SMCO4: variants seen among roughly 807,000 people sequenced by gnomAD.
SMCO4 encodes single-pass membrane and coiled-coil domain-containing protein 4.
Under a neutral mutation model 3.6 loss-of-function variants are expected in SMCO4, and 4 were observed. The observed-to-expected ratio is 1.11, with a 90% confidence interval of 0.54 to 2.53. SMCO4 has a LOEUF of 2.53. Ranked by LOEUF, SMCO4 falls within the 30% of genes most tolerant of loss-of-function variation. SMCO4 has a pLI of 0.02. For missense variants in SMCO4, 70 were observed against 80.8 expected (o/e 0.87, Z 0.51); for synonymous variants, 36 against 35.3 (o/e 1.02, Z -0.07).
At chr11:93,515,489 A>C (rs1199859373) in intron 1 of SMCO4, among the ~76,000 whole-genome samples, 3 of 152,226 alleles carry the variant, frequency 2.0e-5, no homozygotes, top group African/African-American at 7.2e-5. Flanking sequence ...GAGTTAACGA[A>C]GGTCATGTCT....
intron 1 of SMCO4, among the ~76,000 whole-genome samples, chr11:93,515,076 A>G (rs2605622): frequency 0.78 from 119,417 of 152,174 alleles, 47,262 homozygotes; most frequent in South Asian, 0.85. Flanking sequence ...CCTGGAGGCA[A>G]TACTCTCTGC....
chr11:93,548,968 G>C, the SMCO4 span, among the ~76,000 whole-genome samples: 6 of 152,220 alleles, frequency 3.9e-5, no homozygotes, highest in Admixed American at 2.6e-4. Context: ...CTATGCGTAT[G>C]AAGAGGTTAT....
At chr11:93,504,098 C>T (rs1261749357) in intron 1 of SMCO4, among the ~76,000 whole-genome samples, 1 of 152,124 alleles carries the variant, frequency 6.6e-6, no homozygotes, top group East Asian at 1.9e-4. Context: ...CAAATTTCTA[C>T]AATTAGTCTG....
chr11:93,500,945 C>G (rs1591311547), intron 1 of SMCO4, among the ~76,000 whole-genome samples: 1 of 152,190 alleles, frequency 6.6e-6, no homozygotes, highest in African/African-American at 2.4e-5. Context: ...GGAGCATCAG[C>G]TTTCACTGAA....
At chr11:93,524,466 A>G (rs1949087299) in intron 1 of SMCO4, among the ~76,000 whole-genome samples, 1 of 152,168 alleles carries the variant, frequency 6.6e-6, no homozygotes, top group Admixed American at 6.5e-5. Flanking sequence ...TATGCTACCT[A>G]AGAGTGACTT....
At chr11:93,502,074 C>T (rs1465691935) in intron 1 of SMCO4, among the ~76,000 whole-genome samples, 7 of 152,060 alleles carry the variant, frequency 4.6e-5, no homozygotes, top group Admixed American at 6.5e-5. Flanking sequence ...GCCTTTCCCA[C>T]GGCTGATCTC....
intron 2 of SMCO4, among the ~76,000 whole-genome samples, chr11:93,498,590 G>A (rs937360230): frequency 6.6e-6 from 1 of 152,100 alleles, no homozygotes. Flanking sequence ...TCTTAACATG[G>A]GTCCAAAATC....
rs758872089 is a variant in SMCO4, at chr11:93,478,967, G to A, written c.*43C>T. 1.1e-5 allele frequency: 17 copies of A among 1,568,538 alleles called. No homozygotes were observed. Among genetic ancestry groups the A allele is most frequent in the East Asian group, 2.3e-5 (1 of 44,118 alleles). ...TTTTTTGTTTGCGTCCCCCTCCCGC[G>A]CCTCCTCTCCCTGCCGATGGGGTCC... is the stretch of plus-strand genomic sequence containing the variant. On this transcript the variant is annotated 3_prime_UTR_variant, in exon 3 of 3. Coordinates refer to ENST00000298966, the MANE Select transcript of SMCO4 (RefSeq NM_020179.3).
At chr11:93,528,577 A>G (rs547930432) in intron 1 of SMCO4, among the ~76,000 whole-genome samples, 1 of 152,304 alleles carries the variant, frequency 6.6e-6, no homozygotes, top group South Asian at 2.1e-4. Flanking sequence ...GCTGGGATAA[A>G]AAGTTCATGT....
At chr11:93,529,740 G>A (rs1459064463) in intron 1 of SMCO4, among the ~76,000 whole-genome samples, 1 of 152,226 alleles carries the variant, frequency 6.6e-6, no homozygotes, top group South Asian at 2.1e-4. Context: ...CAGTAACTGG[G>A]CAAACTGAAC....
intron 2 of SMCO4, chr11:93,481,367 G>C (rs930635883): frequency 5.4e-6 from 5 of 934,330 alleles, no homozygotes; most frequent in Admixed American, 6.2e-5. Flanking sequence ...CATACCCGTG[G>C]GCGGCCCAGG....
intron 2 of SMCO4, among the ~76,000 whole-genome samples, chr11:93,488,441 A>C (rs913280184): frequency 6.6e-6 from 1 of 152,268 alleles, no homozygotes; most frequent in Non-Finnish European, 1.5e-5. Flanking sequence ...TGAATTATTC[A>C]GGTAAAACTT....
intron 1 of SMCO4, among the ~76,000 whole-genome samples, chr11:93,522,275 C>T (rs1949065000): frequency 6.6e-6 from 1 of 152,190 alleles, no homozygotes; most frequent in Non-Finnish European, 1.5e-5. Flanking sequence ...AATGCTGACT[C>T]TCTGGCATGT....
chr11:93,488,970 G>A (rs1477642925), intron 2 of SMCO4, among the ~76,000 whole-genome samples: 1 of 152,166 alleles, frequency 6.6e-6, no homozygotes, highest in East Asian at 1.9e-4. Context: ...TGGCCATCTG[G>A]TCTGGCCACA....
At chr11:93,534,126 G>C (rs1160299707) in intron 1 of SMCO4, among the ~76,000 whole-genome samples, 4 of 151,292 alleles carry the variant, frequency 2.6e-5, no homozygotes, top group Non-Finnish European at 5.9e-5. Context: ...GGGAGGCAGA[G>C]GTTGAAATGA....
intron 2 of SMCO4, among the ~76,000 whole-genome samples, chr11:93,496,831 C>G (rs1384015112): frequency 6.6e-6 from 1 of 152,160 alleles, no homozygotes; most frequent in African/African-American, 2.4e-5. Flanking sequence ...ACAAGCATCA[C>G]GATAGGCTTG....
intron 1 of SMCO4, among the ~76,000 whole-genome samples, chr11:93,502,144 T>A (rs372979315): frequency 6.6e-6 from 1 of 152,146 alleles, no homozygotes; most frequent in South Asian, 2.1e-4. Flanking sequence ...CTCCTGTCCC[T>A]CACATGGCCT....
intron 1 of SMCO4, among the ~76,000 whole-genome samples, chr11:93,539,173 G>C (rs1949252632): frequency 6.6e-6 from 1 of 151,996 alleles, no homozygotes; most frequent in South Asian, 2.1e-4. Context: ...AAGTTCTAAA[G>C]AGCCTAGATC....
At chr11:93,513,257 A>G (rs1278496800) in intron 1 of SMCO4, among the ~76,000 whole-genome samples, 2 of 152,232 alleles carry the variant, frequency 1.3e-5, no homozygotes, top group Non-Finnish European at 2.9e-5. Flanking sequence ...GTGGGAGATA[A>G]ATAAGTCAAT....
Sources: gnomAD v4.1 joint callset for allele counts (sites outside exome capture counted in the v4.1 genomes callset) on GRCh38, gnomAD v4.1.1 for gene constraint, MANE v1.5 for transcripts, NCBI Gene and HGNC (gene_info 2026-07-23, HGNC 2026-07-21) for gene names.